Variants in LRP1B observed in about 807,000 individuals in gnomAD.
The protein encoded by LRP1B is LDL receptor related protein 1B, also known as low-density lipoprotein receptor-related protein 1B.
A neutral mutation model predicts 556.6 loss-of-function variants in LRP1B; 217 were observed. The ratio of observed to expected loss-of-function variants is 0.39; its 90% CI spans 0.35 to 0.44. LRP1B has a LOEUF of 0.44. Among genes scored for constraint, LRP1B ranks in the 20% least tolerant of loss-of-function variants. LRP1B has a pLI of 1.00. For synonymous variants in LRP1B, 2,047 were observed against 1,865.8 expected, an observed-to-expected ratio of 1.10 and a Z score of -2.50; for missense variants, 5,053 against 5,620.8, an observed-to-expected ratio of 0.90 and a Z score of 3.23.
At chr2:141,044,166 G>A (rs1283511929) in intron 11 of LRP1B, among the ~76,000 whole-genome samples, 5 of 151,646 alleles carry the variant, frequency 3.3e-5, no homozygotes, top group African/African-American at 4.8e-5. Flanking sequence ...ACAAGCAATG[G>A]GGAAAGGATT....
In LRP1B at chr2:141,879,208, A is replaced by C. The variant is rs183034337; in HGVS notation, c.83-68807T>G. Among the ~76,000 whole-genome samples the C allele has an allele frequency of 3.7e-3, 563 of 151,952 alleles. 3 individuals carry two copies. The highest frequency in any genetic ancestry group is 0.013 in the African/African-American group (546 of 41,504). The stretch of plus-strand genomic sequence containing the variant: ...GCAGAGATGTAGGTATCATATTGTA[A>C]AAATATTTCATTAAATATTGATTTT... On this transcript the variant is annotated intron_variant, in intron 1 of 90. Coordinates refer to ENST00000389484, the MANE Select transcript of LRP1B (RefSeq NM_018557.3).
At chr2:142,129,205 C>T (rs1707762332) in intron 1 of LRP1B, among the ~76,000 whole-genome samples, 1 of 152,206 alleles carries the variant, frequency 6.6e-6, no homozygotes, top group African/African-American at 2.4e-5. Flanking sequence ...GAGCTATGTG[C>T]TTCCATTTCA....
chr2:140,421,977 T>C (rs767661408), intron 66 of LRP1B, among the ~76,000 whole-genome samples: 1 of 152,190 alleles, frequency 6.6e-6, no homozygotes, highest in Non-Finnish European at 1.5e-5. Context: ...AGTGGGTCTA[T>C]ATAGTAAAGC....
At chr2:140,748,766 T>C in intron 35 of LRP1B, among the ~76,000 whole-genome samples, 1 of 103,300 alleles carries the variant, frequency 9.7e-6, no homozygotes, top group Admixed American at 1.2e-4. Flanking sequence ...ATTATATACA[T>C]GTATATAATA....
chr2:141,632,349 G>A (rs529817724), intron 2 of LRP1B, among the ~76,000 whole-genome samples: 4 of 152,262 alleles, frequency 2.6e-5, no homozygotes, highest in African/African-American at 9.6e-5. Flanking sequence ...TCTGGCTTGT[G>A]TCATTATTTT....
At chr2:142,123,274 C>T (rs1048074594) in intron 1 of LRP1B, among the ~76,000 whole-genome samples, 1 of 151,830 alleles carries the variant, frequency 6.6e-6, no homozygotes, top group South Asian at 2.1e-4. Flanking sequence ...GATGACAAAT[C>T]GTCATTAAAG....
intron 7 of LRP1B, among the ~76,000 whole-genome samples, chr2:141,116,438 A>G (rs1277267438): frequency 1.3e-5 from 2 of 152,180 alleles, no homozygotes; most frequent in Non-Finnish European, 2.9e-5. Context: ...AGTAATCCAG[A>G]TAATTGTTCT....
rs189579930 is a variant in LRP1B at position 141,219,883 on chromosome 2, A to G, written c.850+9300T>C. On this transcript the variant is annotated intron_variant, in intron 6 of 90. Coordinates refer to ENST00000389484, the MANE Select transcript of LRP1B (RefSeq NM_018557.3). ...ATTGCCAAAAGAAAAACAAACAGAAAGCAACAACAACATCGACAAAAAAGA... is the reference window on the plus strand; with the variant it reads ...ATTGCCAAAAGAAAAACAAACAGAAGGCAACAACAACATCGACAAAAAAGA... Among the ~76,000 whole-genome samples, 5 of 152,280 alleles carry G rather than the reference A, an allele frequency of 3.3e-5. No homozygotes were observed. In the East Asian group the frequency reaches 9.7e-4, roughly 29 times the overall value.
intron 20 of LRP1B, among the ~76,000 whole-genome samples, chr2:140,948,717 C>T (rs1695615731): frequency 6.6e-6 from 1 of 152,192 alleles, no homozygotes. Context: ...CATGTCAAGA[C>T]CATCAACCAT....
At chr2:141,373,333 G>A (rs1689303755) in intron 3 of LRP1B, among the ~76,000 whole-genome samples, 1 of 152,088 alleles carries the variant, frequency 6.6e-6, no homozygotes, top group Non-Finnish European at 1.5e-5. Context: ...TTGGTGCATA[G>A]ACTGTTCTGT....
At chr2:140,413,892 ATCTT>A (rs1480780534) in intron 66 of LRP1B, among the ~76,000 whole-genome samples, 1 of 151,952 alleles carries the variant, frequency 6.6e-6, no homozygotes. Context: ...GATAGTTCAT[ATCTT>A]TTTTTCCAGA....
Position 141,029,662 on chromosome 2 carries a change from C to T in LRP1B, c.1790-9560G>A, listed in dbSNP as rs375719060. 2.6e-5 allele frequency among the ~76,000 whole-genome samples: 4 copies of T among 152,140 alleles called. No individual in the cohort carries two copies. In the East Asian group the frequency reaches 5.8e-4, roughly 22 times the overall value. On this transcript the variant is annotated intron_variant, in intron 11 of 90. Transcript: ENST00000389484. ...CAGCATTCATCCAGGCCTATCATGT[C>T]GCTCCCTGAGACTCCCGGGCAGGGT...
intron 51 of LRP1B, among the ~76,000 whole-genome samples, chr2:140,510,321 T>C (rs1047499630): frequency 1.3e-5 from 2 of 152,196 alleles, no homozygotes; most frequent in Non-Finnish European, 1.5e-5. Context: ...TTGTAAAATG[T>C]GGCAAAGCAT....
chr2:140,851,892 A>G (rs1692470108), intron 27 of LRP1B, 109 bp from the exon 28 acceptor site: 6 of 900,642 alleles, frequency 6.7e-6, no homozygotes, highest in Non-Finnish European at 1.0e-5. Flanking sequence ...AGTTTCCTAC[A>G]TAGAACCCAT....
chr2:140,939,452 C>A (rs1439166501), intron 20 of LRP1B, among the ~76,000 whole-genome samples: 1 of 148,712 alleles, frequency 6.7e-6, no homozygotes, highest in Admixed American at 6.7e-5. Context: ...GATTTGGAAA[C>A]TTGTTAAAGA....
At chr2:140,403,180 C>A (rs141735420) in intron 66 of LRP1B, among the ~76,000 whole-genome samples, 64 of 152,076 alleles carry the variant, frequency 4.2e-4, no homozygotes, top group African/African-American at 1.5e-3. Flanking sequence ...TTAGTTTACC[C>A]AAATGAGAAG....
chr2:140,823,790 C>T (rs918692222), intron 31 of LRP1B, among the ~76,000 whole-genome samples: 1 of 151,224 alleles, frequency 6.6e-6, no homozygotes, highest in African/African-American at 2.4e-5. Context: ...TTCAGAAAGA[C>T]AGAAAAAAAA....
chr2:141,273,958 T>C (rs919830009), intron 3 of LRP1B, among the ~76,000 whole-genome samples: 2 of 152,164 alleles, frequency 1.3e-5, no homozygotes, highest in African/African-American at 4.8e-5. Context: ...AACACATAAA[T>C]GGATATTCAA....
intron 3 of LRP1B, among the ~76,000 whole-genome samples, chr2:141,388,692 CAA>C (rs893660097): frequency 6.6e-6 from 1 of 152,002 alleles, no homozygotes; most frequent in African/African-American, 2.4e-5. Flanking sequence ...TAAAAGCCCT[CAA>C]GTTTGGAAAA....
Sources: allele counts gnomAD v4.1 joint callset (sites outside exome capture counted in the v4.1 genomes callset), GRCh38; gene constraint gnomAD v4.1.1; transcripts MANE v1.5; gene names NCBI Gene and HGNC (gene_info 2026-07-23, HGNC 2026-07-21).